SORCS3: variants seen among roughly 807,000 people sequenced by gnomAD.
SORCS3 encodes VPS10 domain-containing receptor SorCS3.
A neutral mutation model predicts 146.3 loss-of-function variants in SORCS3; 57 were observed. The observed-to-expected ratio is 0.39, with a 90% CI of 0.31 to 0.49. SORCS3 has a LOEUF of 0.49. Among genes scored for constraint, SORCS3 ranks in the 20% least tolerant of loss-of-function variants. The probability of loss-of-function intolerance (pLI) is 0.92; values close to 1 mark genes in which losing one functional copy is unlikely to be tolerated. For missense variants in SORCS3, 1,341 were observed against 1,575.5 expected (o/e 0.85, Z 2.52); for synonymous variants, 653 against 618.5 (o/e 1.06, Z -0.83).
rs2019280586 is a variant in SORCS3, at chr10:104,938,403, GGGTTAA to G, written c.795+22472_795+22477del. Among the ~76,000 whole-genome samples the G allele has an allele frequency of 2.0e-5, 3 of 152,216 alleles. No individual in the cohort carries two copies. In the South Asian group the frequency reaches 6.2e-4, roughly 32 times the overall value. On this transcript the variant is annotated intron_variant, in intron 3 of 26. Transcript: ENST00000369701. ...GATTCAGGCCAAACTCCACAGCATG[GGGTTAA>G]AGCTCCTTCGTAATGTACACCCAAT...
intron 3 of SORCS3, among the ~76,000 whole-genome samples, chr10:104,942,746 GATA>G (rs1341284762): frequency 2.3e-4 from 35 of 152,302 alleles, no homozygotes; most frequent in African/African-American, 8.4e-4. Context: ...ACCCATTCAT[GATA>G]ATAACTCTTA....
chr10:105,166,728 G>A (rs2119525991), intron 12 of SORCS3, among the ~76,000 whole-genome samples: 1 of 152,202 alleles, frequency 6.6e-6, no homozygotes, highest in South Asian at 2.1e-4. Context: ...ACCCAACATG[G>A]GTCTTCATCC....
At chr10:105,199,648 T>C (rs1316372533) in intron 14 of SORCS3, among the ~76,000 whole-genome samples, 1 of 152,180 alleles carries the variant, frequency 6.6e-6, no homozygotes, top group African/African-American at 2.4e-5. Flanking sequence ...GAAGGCTGTG[T>C]ATCTAAATCT....
intron 1 of SORCS3, among the ~76,000 whole-genome samples, chr10:104,832,882 G>A (rs1447510695): frequency 6.6e-6 from 1 of 152,192 alleles, no homozygotes; most frequent in East Asian, 1.9e-4. Context: ...GATATGATAA[G>A]GAGAGACATC....
At chr10:105,087,465 A>T (rs2055670570) in intron 5 of SORCS3, among the ~76,000 whole-genome samples, 1 of 150,984 alleles carries the variant, frequency 6.6e-6, no homozygotes, top group African/African-American at 2.4e-5. Context: ...TGGGTTAACA[A>T]AATGAGACAT....
chr10:104,805,004 G>A (rs1392594938), intron 1 of SORCS3, among the ~76,000 whole-genome samples: 1 of 152,192 alleles, frequency 6.6e-6, no homozygotes, highest in African/African-American at 2.4e-5. Context: ...AACGATGAGT[G>A]TCACCCTTAG....
intron 4 of SORCS3, among the ~76,000 whole-genome samples, chr10:105,037,250 A>G (rs1365117912): frequency 6.6e-6 from 1 of 152,202 alleles, no homozygotes; most frequent in Non-Finnish European, 1.5e-5. Context: ...GGTGACAGGG[A>G]AGCCACAGAG....
At chr10:105,186,005 G>A (rs919619630) in intron 14 of SORCS3, among the ~76,000 whole-genome samples, 3 of 152,082 alleles carry the variant, frequency 2.0e-5, no homozygotes, top group Non-Finnish European at 4.4e-5. Flanking sequence ...ATATAAATAT[G>A]CACAATTTAT....
intron 2 of SORCS3, among the ~76,000 whole-genome samples, chr10:104,848,327 T>C (rs945205726): frequency 6.6e-6 from 1 of 152,188 alleles, no homozygotes; most frequent in African/African-American, 2.4e-5. Flanking sequence ...GGGATGCTGC[T>C]TTTTTAAAAT....
intron 13 of SORCS3, among the ~76,000 whole-genome samples, chr10:105,176,058 C>A (rs1228485544): frequency 6.6e-6 from 1 of 152,092 alleles, no homozygotes. Flanking sequence ...GTAATTCACA[C>A]CCAACTTATG....
intron 5 of SORCS3, among the ~76,000 whole-genome samples, chr10:105,089,340 C>T (rs875909): frequency 3.3e-5 from 5 of 152,168 alleles, no homozygotes; most frequent in East Asian, 1.9e-4. Context: ...TGTTCCCCAT[C>T]GGGTAGAACA....
intron 2 of SORCS3, among the ~76,000 whole-genome samples, chr10:104,904,039 A>G (rs1031998368): frequency 2.6e-5 from 4 of 152,332 alleles, no homozygotes; most frequent in Non-Finnish European, 4.4e-5. Context: ...TCTCAGATGT[A>G]ATTTCTGTTG....
intron 2 of SORCS3, among the ~76,000 whole-genome samples, chr10:104,914,843 C>G (rs1436584731): frequency 2.0e-5 from 3 of 152,066 alleles, no homozygotes; most frequent in Admixed American, 2.0e-4. Context: ...ATTTCAGGCC[C>G]CTATAAGGTC....
intron 1 of SORCS3, among the ~76,000 whole-genome samples, chr10:104,746,230 A>G (rs541393749): frequency 6.5e-4 from 98 of 149,938 alleles, no homozygotes; most frequent in Non-Finnish European, 4.4e-5. Context: ...TCCGCCTCCC[A>G]GGTTCACGCC....
intron 11 of SORCS3, among the ~76,000 whole-genome samples, chr10:105,161,572 A>G (rs963281176): frequency 3.3e-5 from 5 of 152,146 alleles, no homozygotes; most frequent in African/African-American, 1.2e-4. Flanking sequence ...CCGAAGGCAG[A>G]TGGAAATCTA....
At chr10:105,082,438 T>C (rs1201934877) in intron 5 of SORCS3, among the ~76,000 whole-genome samples, 1 of 152,218 alleles carries the variant, frequency 6.6e-6, no homozygotes, top group Non-Finnish European at 1.5e-5. Flanking sequence ...ATAGCTAAAA[T>C]GTAACGACTG....
intron 1 of SORCS3, among the ~76,000 whole-genome samples, chr10:104,840,021 C>T (rs1214802046): frequency 6.6e-6 from 1 of 152,100 alleles, no homozygotes; most frequent in African/African-American, 2.4e-5. Flanking sequence ...GTCCTGTCAC[C>T]CAGGAATGTG....
Position 104,962,985 on chromosome 10 carries a change from CAT to C in SORCS3, c.796-14347_796-14346del, listed in dbSNP as rs1460188813. On this transcript the variant is annotated intron_variant, in intron 3 of 26. Coordinates refer to ENST00000369701, the MANE Select transcript of SORCS3 (RefSeq NM_014978.3). ...ACTGTTTAAATATATGGTTGTTTTT[CAT>C]ATGTCATAAAAGTATTTGAATTCAT... Among the ~76,000 whole-genome samples the C allele has an allele frequency of 2.0e-5, 3 of 152,176 alleles. No homozygotes were observed. The East Asian group carries it at 5.8e-4, about 29-fold the overall frequency.
chr10:104,943,136 A>T (rs1324409226), intron 3 of SORCS3, among the ~76,000 whole-genome samples: 1 of 151,434 alleles, frequency 6.6e-6, no homozygotes, highest in Non-Finnish European at 1.5e-5. Context: ...AATATAAAAT[A>T]TTTTTTTTTA....
Sources: allele counts gnomAD v4.1 joint callset (sites outside exome capture counted in the v4.1 genomes callset), GRCh38; gene constraint gnomAD v4.1.1; transcripts MANE v1.5; gene names NCBI Gene and HGNC (gene_info 2026-07-23, HGNC 2026-07-21).